MYH3: variants seen among roughly 807,000 people sequenced by gnomAD.
MYH3 encodes myosin-3.
Under a neutral mutation model 238.0 loss-of-function variants are expected in MYH3, and 130 were observed. The ratio of observed to expected loss-of-function variants is 0.55; its 90% CI spans 0.47 to 0.63. The LOEUF (loss-of-function observed/expected upper bound fraction) is 0.63. Ranked by LOEUF, MYH3 falls within the 30% of genes least tolerant of loss-of-function variation. The pLI, the probability that MYH3 is intolerant of heterozygous loss-of-function variation, is 0.00. For synonymous variants in MYH3, 880 were observed against 924.1 expected (o/e 0.95, Z 0.86); for missense variants, 1,853 against 2,374.9 (o/e 0.78, Z 4.57).
In MYH3 at chr17:10,642,535, A is replaced by G. The variant is rs1436175324; in HGVS notation, c.1770T>C (p.Ser590=). 2 of 1,614,106 alleles carry G rather than the reference A, an allele frequency of 1.2e-6. No homozygotes were observed. Among genetic ancestry groups the G allele is most frequent in the Admixed American group, 1.7e-5 (1 of 60,010 alleles). ...TGTTCTTCTCCAGCCAACCTGAGAC[A>G]CTGTAGTCCACGGTGCCCGCATAGT... ...LIHYAGTVDY[S]VSGWLEKNKD... is the part of the protein sequence containing the mutation. The change falls in exon 16 of 41, where the codon AGT becomes AGC. Residue 590 remains serine, a synonymous_variant. Transcript: ENST00000583535. This position sits in a 1 kb window ranked among gnomAD's most constrained non-coding sequence, Gnocchi z 5.4.
Position 10,638,020 on chromosome 17 carries a change from G to A in MYH3, c.3729+23C>T, listed in dbSNP as rs201376022. ...GAGTGTGTCTGATGGAAAGCCTTGAGCCACCCCCACCCCGCGCAGCACCTT... is the reference window on the plus strand; with the variant it reads ...GAGTGTGTCTGATGGAAAGCCTTGAACCACCCCCACCCCGCGCAGCACCTT... On this transcript the variant is annotated intron_variant, in intron 27 of 40. Coordinates refer to ENST00000583535, the MANE Select transcript of MYH3 (RefSeq NM_002470.4). 9.3e-4 allele frequency: 1,500 copies of A among 1,613,902 alleles called. 2 individuals carry two copies. The highest frequency in any genetic ancestry group is 1.2e-3 in the Non-Finnish European group (1,424 of 1,180,028).
At chr17:10,648,727 G>C (rs2074346848) in intron 7 of MYH3, 78 bp from the exon 8 acceptor site, 1 of 1,259,482 alleles carries the variant, frequency 7.9e-7, no homozygotes, top group East Asian at 2.3e-5. Context: ...CCAGGCTGCA[G>C]TGCAATGGCA....
chr17:10,644,230 T>C, intron 14 of MYH3, 121 bp downstream of exon 14: 2 of 1,029,556 alleles, frequency 1.9e-6, no homozygotes, highest in Non-Finnish European at 3.0e-6. Flanking sequence ...CCATCCACTC[T>C]CCATCTAGTT....
upstream of MYH3, among the ~76,000 whole-genome samples, chr17:10,661,289 TAAAAAAAAAAAAAA>T (rs34393718): frequency 1.6e-4 from 8 of 49,668 alleles, no homozygotes; most frequent in Admixed American, 8.3e-4. Context: ...AGACTCCATC[TAAAAAAAAAAAAAA>T]AAAAAAAAAA....
intron 40 of MYH3, among the ~76,000 whole-genome samples, chr17:10,628,975 C>T (rs2142375163): frequency 6.6e-6 from 1 of 152,076 alleles, no homozygotes; most frequent in East Asian, 1.9e-4. Flanking sequence ...CAGCAGGGGG[C>T]GCATGAAAGA....
chr17:10,666,228 A>G, the MYH3 span, among the ~76,000 whole-genome samples: 11 of 152,256 alleles, frequency 7.2e-5, no homozygotes, highest in South Asian at 1.9e-3. Context: ...AAAAAACAAT[A>G]GATAAATCCA....
the MYH3 span, among the ~76,000 whole-genome samples, chr17:10,670,927 T>G: frequency 2.0e-5 from 3 of 152,180 alleles, no homozygotes; most frequent in South Asian, 6.2e-4. This position sits in a 1 kb window ranked among gnomAD's most constrained non-coding sequence, Gnocchi z 7.0. Context: ...TCTTCCTCTG[T>G]CACCCAGGCT....
chr17:10,648,379 T>A (rs1259803366), intron 8 of MYH3, among the ~76,000 whole-genome samples, 178 bp downstream of exon 8: 2 of 152,248 alleles, frequency 1.3e-5, no homozygotes, highest in Non-Finnish European at 2.9e-5. Context: ...CCAGTTCCTC[T>A]CTTACACACG....
upstream of MYH3, among the ~76,000 whole-genome samples, chr17:10,662,297 C>T (rs1029985740): frequency 3.9e-5 from 6 of 152,212 alleles, no homozygotes; most frequent in African/African-American, 7.2e-5. Flanking sequence ...GCTGGGATTA[C>T]AGGCAGGAGC....
intron 2 of MYH3, among the ~76,000 whole-genome samples, 190 bp from the exon 3 acceptor site, chr17:10,655,262 C>T (rs952235153): frequency 5.9e-5 from 9 of 152,096 alleles, no homozygotes; most frequent in East Asian, 1.9e-4. Context: ...GGAAATCACA[C>T]GGGTGCATAT....
chr17:10,629,567 G>C (rs12940161), intron 40 of MYH3, 30 bp downstream of exon 40: 13 of 1,611,392 alleles, frequency 8.1e-6, no homozygotes, highest in South Asian at 3.3e-5. Flanking sequence ...CAGTCCCTGG[G>C]GGGGGGCTCC....
intron 39 of MYH3, 43 bp from the exon 40 acceptor site, chr17:10,629,777 C>G: frequency 1.2e-6 from 2 of 1,614,164 alleles, no homozygotes; most frequent in African/African-American, 1.3e-5. Context: ...GCACGCGCCT[C>G]TCTCAGAACT....
At position 10,649,557 on chromosome 17, in the gene MYH3, C is replaced by A. The variant is rs1419481169; in HGVS notation, c.642+20G>T. ...CAGTTAAAAGTGGAAGCAAAGCAAG[C>A]CTTCCTCTCCCATCTATACCTTCAT... On this transcript the variant is annotated intron_variant, in intron 7 of 40. Transcript: ENST00000583535. 6.4e-7 allele frequency: 1 copy of A among 1,561,260 alleles called. No homozygotes were observed. Among genetic ancestry groups the A allele is most frequent in the Admixed American group, 1.7e-5 (1 of 59,948 alleles).
In MYH3 at chr17:10,651,567, C is replaced by A. The variant is rs772944590; in HGVS notation, c.450G>T (p.Glu150Asp). 1.9e-6 allele frequency: 3 copies of A among 1,613,992 alleles called. No homozygotes were observed. Among genetic ancestry groups the A allele is most frequent in the South Asian group, 1.1e-5 (1 of 91,078 alleles). ...AGATGGAGAAGATGTGGGGTGGGGC[C>A]TCCTGGCGCTTTTTGCCTCGGTAGC... ...VEGYRGKKRQ[E>D]APPHIFSISD... Residue 150 changes from glutamate to aspartate, a missense_variant, in exon 5 of 41, where the codon GAG (glutamate) becomes GAT (aspartate). Physicochemically the swap from Glu to Asp is conservative, Grantham distance 45 (BLOSUM62 2). Coordinates refer to ENST00000583535, the MANE Select transcript of MYH3 (RefSeq NM_002470.4).
In MYH3 at chr17:10,638,084, C is replaced by A; in HGVS notation, c.3688G>T (p.Asp1230Tyr). 2 of 1,613,842 alleles carry A rather than the reference C, an allele frequency of 1.2e-6. No individual in the cohort carries two copies. Among genetic ancestry groups the A allele is most frequent in the Non-Finnish European group, 1.7e-6 (2 of 1,179,978 alleles). The change falls in exon 27 of 41, where the codon GAT (aspartate) becomes TAT (tyrosine). Residue 1230 changes from aspartate (D) to tyrosine (Y), a missense_variant. By Grantham distance (160) the Asp-to-Tyr change is radical. This residue lies in a region of MYH3 where 1,044 missense variants were observed against 1,192.6 expected (regional missense o/e 0.88). Transcript: ENST00000583535. ...CTCTCCATGCTGCTGGAGAGGTCAT[C>A]GATCTCCAGCTTGAACTCGCTCTTC... ...KEKSEFKLEI[D>Y]DLSSSMESVS...
the MYH3 span, among the ~76,000 whole-genome samples, chr17:10,668,948 A>G: frequency 6.6e-6 from 1 of 152,180 alleles, no homozygotes; most frequent in Non-Finnish European, 1.5e-5. Context: ...GATTTTAGTA[A>G]TCACTGTGTA....
chr17:10,630,410 G>C lies in MYH3; in HGVS notation c.5335C>G (p.His1779Asp), dbSNP rs2074143716. The change falls in exon 37 of 41, where the codon CAC becomes GAC. Residue 1779 changes from histidine (H) to aspartate (D), a missense_variant. Physicochemically the swap from His to Asp is moderately conservative, Grantham distance 81 (BLOSUM62 -1). Coordinates refer to ENST00000583535, the MANE Select transcript of MYH3 (RefSeq NM_002470.4). ...ELKKEQDTSA[H>D]LERMKKNLEQ... is the part of the protein sequence containing the mutation. ...AGGTTCTTCTTCATCCGCTCAAGGT[G>C]GGCGCTGGTGTCCTGCTCCTTCTTC... 6.2e-7 allele frequency: 1 copy of C among 1,614,158 alleles called. No homozygotes were observed. The highest frequency in any genetic ancestry group is 8.5e-7 in the Non-Finnish European group (1 of 1,180,024).
At chr17:10,635,631 T>C in intron 29 of MYH3, 68 bp from the exon 30 acceptor site, 1 of 1,614,060 alleles carries the variant, frequency 6.2e-7, no homozygotes, top group Non-Finnish European at 8.5e-7. Flanking sequence ...AATCCAAGTG[T>C]GTCCCTTCTA....
chr17:10,642,993 TATACTA>T lies in MYH3; in HGVS notation c.1411-3_1413del, dbSNP rs758147167. The T allele has an allele frequency of 2.5e-6, 4 of 1,614,034 alleles. No individual in the cohort carries two copies. Among genetic ancestry groups the T allele is most frequent in the African/African-American group, 1.3e-5 (1 of 74,916 alleles). On this transcript the variant is annotated splice_acceptor_variant and splice_polypyrimidine_tract_variant and coding_sequence_variant and intron_variant, in exon 15 of 41. Transcript: ENST00000583535. LOFTEE classifies it high-confidence loss of function. The surrounding 1 kb of genome is among the most constrained non-coding windows in gnomAD (Gnocchi z 5.4). ...TTGATGCACAGCTGCTCCAGGCTGT[TATACTA>T]ATAAAAAAATACAACATTCATGTGA...
Sources: gnomAD v4.1 joint callset for allele counts (sites outside exome capture counted in the v4.1 genomes callset) on GRCh38, gnomAD v4.1.1 for gene constraint, gnomAD v4.1.1 regional missense constraint, Gnocchi (gnomAD v3.1) non-coding constraint, MANE v1.5 for transcripts, NCBI Gene and HGNC (gene_info 2026-07-23, HGNC 2026-07-21) for gene names.